Variants in PLEKHA5 observed in about 807,000 individuals in gnomAD.
The protein encoded by PLEKHA5 is pleckstrin homology domain-containing family A member 5.
Under a neutral mutation model 181.9 loss-of-function variants are expected in PLEKHA5, and 55 were observed. That is an observed-to-expected ratio of 0.30 (90% CI 0.24 to 0.38). The LOEUF (loss-of-function observed/expected upper bound fraction) is 0.38, where lower values mean the gene tolerates loss of function less well. Among genes scored for constraint, PLEKHA5 ranks in the 10% least tolerant of loss-of-function variants. The pLI, the probability that PLEKHA5 is intolerant of heterozygous loss-of-function variation, is 1.00. For synonymous variants in PLEKHA5, 535 were observed against 529.4 expected (o/e 1.01, Z -0.15); for missense variants, 1,432 against 1,549.5 (o/e 0.92, Z 1.27).
intron 30 of PLEKHA5, among the ~76,000 whole-genome samples, chr12:19,367,251 G>GCTT: frequency 7.9e-6 from 1 of 127,082 alleles, no homozygotes; most frequent in East Asian, 2.4e-4. Context: ...TTATCGCTTT[G>GCTT]CTTCTTCTTT....
At chr12:19,342,911 A>C (rs2094050896) in intron 21 of PLEKHA5, among the ~76,000 whole-genome samples, 1 of 152,012 alleles carries the variant, frequency 6.6e-6, no homozygotes, top group Admixed American at 6.6e-5. Flanking sequence ...TCCATTTCTC[A>C]CCCATTCCCC....
intron 3 of PLEKHA5, among the ~76,000 whole-genome samples, chr12:19,195,672 CAAAAAA>C (rs3056386): frequency 3.7e-5 from 3 of 81,602 alleles, no homozygotes; most frequent in African/African-American, 4.6e-5. Context: ...GACCCTGTCT[CAAAAAA>C]AAAAAAAAAA....
chr12:19,187,801 T>TAAC (rs1282146670), intron 3 of PLEKHA5, among the ~76,000 whole-genome samples: 1 of 152,110 alleles, frequency 6.6e-6, no homozygotes, highest in Non-Finnish European at 1.5e-5. Context: ...CCCATAAAGG[T>TAAC]AACATACAAG....
At chr12:19,136,775 T>A (rs1195253406) in intron 3 of PLEKHA5, among the ~76,000 whole-genome samples, 1 of 152,244 alleles carries the variant, frequency 6.6e-6, no homozygotes, top group Admixed American at 6.5e-5. Flanking sequence ...CTGCTTTTTT[T>A]AACTTAAAAT....
chr12:19,292,594 A>C, intron 15 of PLEKHA5, among the ~76,000 whole-genome samples: 1 of 152,118 alleles, frequency 6.6e-6, no homozygotes. Context: ...TCCTAGCATT[A>C]CCTCAGTGGT....
chr12:19,187,794 A>G (rs565351846), intron 3 of PLEKHA5, among the ~76,000 whole-genome samples: 9 of 152,294 alleles, frequency 5.9e-5, no homozygotes, highest in South Asian at 4.1e-4. Flanking sequence ...TGTAGAACCC[A>G]TAAAGGTAAC....
At chr12:19,194,102 T>C (rs931296129) in intron 3 of PLEKHA5, among the ~76,000 whole-genome samples, 4 of 152,080 alleles carry the variant, frequency 2.6e-5, no homozygotes, top group Non-Finnish European at 5.9e-5. Context: ...AGAACAAATA[T>C]CCAAATCATG....
intron 10 of PLEKHA5, among the ~76,000 whole-genome samples, chr12:19,272,631 G>A (rs1034985419): frequency 3.3e-5 from 5 of 151,968 alleles, no homozygotes; most frequent in Non-Finnish European, 4.4e-5. Flanking sequence ...CGGCTGCTCG[G>A]GAGGCTGAGA....
intron 26 of PLEKHA5, among the ~76,000 whole-genome samples, chr12:19,356,910 C>T (rs1377405709): frequency 6.6e-6 from 1 of 152,024 alleles, no homozygotes; most frequent in Non-Finnish European, 1.5e-5. Flanking sequence ...CTGCCTGCCT[C>T]GGCCTTCCAA....
At chr12:19,214,788 C>G (rs901559519) in intron 3 of PLEKHA5, among the ~76,000 whole-genome samples, 12 of 152,034 alleles carry the variant, frequency 7.9e-5, no homozygotes, top group African/African-American at 2.9e-4. Flanking sequence ...AAGAGCCCAT[C>G]TGAAAGTGAA....
chr12:19,134,192 GT>G (rs1330438000), intron 3 of PLEKHA5, among the ~76,000 whole-genome samples: 2 of 151,806 alleles, frequency 1.3e-5, no homozygotes, highest in African/African-American at 2.4e-5. Context: ...AGTTTCTTTT[GT>G]TTTACGAGCC....
intron 15 of PLEKHA5, among the ~76,000 whole-genome samples, chr12:19,305,605 T>C (rs2152944238): frequency 6.7e-6 from 1 of 150,124 alleles, no homozygotes; most frequent in East Asian, 2.0e-4. Flanking sequence ...AGGCCTGTAA[T>C]TCCAGCACTT....
At chr12:19,163,899 C>T (rs528883899) in intron 3 of PLEKHA5, among the ~76,000 whole-genome samples, 8 of 152,216 alleles carry the variant, frequency 5.3e-5, no homozygotes, top group African/African-American at 1.9e-4. Context: ...GTTCTTTATC[C>T]AAATTTTTCC....
At chr12:19,305,958 T>TA (rs2083350425) in intron 15 of PLEKHA5, among the ~76,000 whole-genome samples, 1 of 150,754 alleles carries the variant, frequency 6.6e-6, no homozygotes, top group Non-Finnish European at 1.5e-5. Flanking sequence ...CGCACGCCTG[T>TA]AATCCCAGCT....
intron 26 of PLEKHA5, among the ~76,000 whole-genome samples, chr12:19,356,737 T>G (rs1235327365): frequency 6.7e-6 from 1 of 149,130 alleles, no homozygotes; most frequent in African/African-American, 2.5e-5. Context: ...CTCAGCTCAT[T>G]GCAACCTCTG....
intron 25 of PLEKHA5, among the ~76,000 whole-genome samples, chr12:19,353,317 CTAATTTTTG>C (rs201977996): frequency 0.015 from 2,255 of 151,900 alleles, 23 homozygotes; most frequent in Non-Finnish European, 0.023. Context: ...CCATGCCTGG[CTAATTTTTG>C]TATTTTTTAT....
intron 20 of PLEKHA5, among the ~76,000 whole-genome samples, chr12:19,325,777 G>C (rs2091956769): frequency 6.6e-6 from 1 of 151,982 alleles, no homozygotes; most frequent in African/African-American, 2.4e-5. Flanking sequence ...GGGAGGCCAA[G>C]GCAGGCAGAT....
At chr12:19,360,605 C>CA (rs943673118) in intron 28 of PLEKHA5, among the ~76,000 whole-genome samples, 6 of 136,058 alleles carry the variant, frequency 4.4e-5, no homozygotes, top group African/African-American at 2.8e-5. Context: ...GATTCCGTCT[C>CA]AAAAAAAAGA....
intron 3 of PLEKHA5, among the ~76,000 whole-genome samples, chr12:19,240,806 A>G (rs759595829): frequency 4.6e-5 from 7 of 151,920 alleles, no homozygotes; most frequent in Non-Finnish European, 1.0e-4. Context: ...AATATTTCTG[A>G]TTATTGAAAT....
Sources: gnomAD v4.1 joint callset for allele counts (sites outside exome capture counted in the v4.1 genomes callset) on GRCh38, gnomAD v4.1.1 for gene constraint, MANE v1.5 for transcripts, NCBI Gene and HGNC (gene_info 2026-07-23, HGNC 2026-07-21) for gene names.